Variants in LEF1 observed in about 807,000 individuals in gnomAD.
LEF1 encodes the protein lymphoid enhancer binding factor 1.
LEF1 carries 14 observed loss-of-function variants against 51.2 expected under a neutral mutation model. The observed-to-expected ratio is 0.27, with a 90% CI of 0.18 to 0.43. LEF1 has a LOEUF of 0.43. Ranked by LOEUF, LEF1 falls within the 20% of genes least tolerant of loss-of-function variation. The pLI is 1.00. For synonymous variants in LEF1, 185 were observed against 183.2 expected (o/e 1.01, Z -0.08); for missense variants, 386 against 512.0 (o/e 0.75, Z 2.37).
chr4:108,108,794 A>T (rs551989195), intron 3 of LEF1, among the ~76,000 whole-genome samples: 1 of 152,334 alleles, frequency 6.6e-6, no homozygotes, highest in Non-Finnish European at 1.5e-5. Context: ...AAAACAAGCA[A>T]ACGAGCTCTT....
intron 4 of LEF1, among the ~76,000 whole-genome samples, chr4:108,086,612 T>A (rs1311395829): frequency 6.6e-6 from 1 of 152,196 alleles, no homozygotes; most frequent in African/African-American, 2.4e-5. Context: ...AATAGGACTG[T>A]TGTGAAGAAT....
chr4:108,068,647 C>G (rs534699582), intron 9 of LEF1, among the ~76,000 whole-genome samples: 235 of 152,286 alleles, frequency 1.5e-3, no homozygotes, highest in African/African-American at 5.4e-3. Context: ...AAACTTATAT[C>G]CAATGTCTGA....
chr4:108,115,197 T>C (rs1741759656), intron 3 of LEF1, among the ~76,000 whole-genome samples: 1 of 152,218 alleles, frequency 6.6e-6, no homozygotes. Context: ...ATTTATATAT[T>C]GGAAATGAGC....
intron 11 of LEF1, among the ~76,000 whole-genome samples, chr4:108,055,656 T>C (rs1419782229): frequency 1.3e-5 from 2 of 152,210 alleles, no homozygotes; most frequent in Non-Finnish European, 2.9e-5. Flanking sequence ...TAAGTTTTCA[T>C]GAACAATACT....
intron 11 of LEF1, among the ~76,000 whole-genome samples, chr4:108,058,116 T>C (rs2126259935): frequency 6.6e-6 from 1 of 152,090 alleles, no homozygotes; most frequent in African/African-American, 2.4e-5. Context: ...CCTCATGATC[T>C]GCCCACCTCT....
At chr4:108,162,933 C>T (rs574029225) in intron 3 of LEF1, among the ~76,000 whole-genome samples, 1 of 152,062 alleles carries the variant, frequency 6.6e-6, no homozygotes, top group East Asian at 1.9e-4. Context: ...TTGCATAATG[C>T]AGTTATAATA....
chr4:108,154,656 TG>T (rs994684703), intron 3 of LEF1, among the ~76,000 whole-genome samples: 5 of 152,198 alleles, frequency 3.3e-5, no homozygotes, highest in African/African-American at 1.2e-4. Flanking sequence ...CTTCATATTT[TG>T]GTTTTGTTAC....
At chr4:108,085,545 G>T (rs570092555) in intron 4 of LEF1, among the ~76,000 whole-genome samples, 7 of 152,130 alleles carry the variant, frequency 4.6e-5, no homozygotes, top group African/African-American at 1.7e-4. Context: ...CTTACTCTCC[G>T]TACTACTCCA....
intron 3 of LEF1, among the ~76,000 whole-genome samples, chr4:108,097,477 A>C (rs1388225314): frequency 6.6e-6 from 1 of 152,226 alleles, no homozygotes; most frequent in Non-Finnish European, 1.5e-5. Flanking sequence ...TAATGAGTGC[A>C]AAAATATAGT....
chr4:108,144,094 T>A (rs1743846200), intron 3 of LEF1, among the ~76,000 whole-genome samples: 1 of 151,732 alleles, frequency 6.6e-6, no homozygotes, highest in Non-Finnish European at 1.5e-5. Flanking sequence ...GGAGCAGGAG[T>A]TAATAGGTAC....
chr4:108,098,821 C>T (rs34271707), intron 3 of LEF1, among the ~76,000 whole-genome samples: 46,859 of 152,092 alleles, frequency 0.31, 8,126 homozygotes, highest in East Asian at 0.63. Flanking sequence ...TTGGGTTCAG[C>T]TACTATCAGT....
rs138191388 is a variant in LEF1, at chr4:108,113,593, T to C, written c.415-24336A>G. ...CTAAACCCAAGTCTGCATCTAGTGC[T>C]GTCAAAATACCAAAACATACAACAA... On this transcript the variant is annotated intron_variant, in intron 3 of 11. Transcript: ENST00000265165. 6.0e-3 allele frequency among the ~76,000 whole-genome samples: 913 copies of C among 152,298 alleles called. 3 individuals carry two copies. Among genetic ancestry groups the C allele is most frequent in the Middle Eastern group, 0.01 (3 of 294 alleles).
intron 3 of LEF1, among the ~76,000 whole-genome samples, chr4:108,109,590 G>A (rs1741391474): frequency 6.6e-6 from 1 of 152,158 alleles, no homozygotes; most frequent in African/African-American, 2.4e-5. Flanking sequence ...ACAGCATCTG[G>A]CACATAGCAA....
chr4:108,147,366 A>G (rs1744058427), intron 3 of LEF1, among the ~76,000 whole-genome samples: 1 of 152,232 alleles, frequency 6.6e-6, no homozygotes, highest in Non-Finnish European at 1.5e-5. Flanking sequence ...AAGAACAAAA[A>G]CAAACATCTC....
chr4:108,162,431 T>C (rs1176729562), intron 3 of LEF1, among the ~76,000 whole-genome samples: 1 of 152,252 alleles, frequency 6.6e-6, no homozygotes, highest in African/African-American at 2.4e-5. Flanking sequence ...CAAATACTCT[T>C]GTTGATAACT....
chr4:108,078,962 T>G (rs1292441097), intron 7 of LEF1, among the ~76,000 whole-genome samples: 2 of 152,192 alleles, frequency 1.3e-5, no homozygotes, highest in Non-Finnish European at 1.5e-5. Flanking sequence ...ATTAAGAAAC[T>G]AATTACTCAT....
chr4:108,116,103 A>G (rs180692990), intron 3 of LEF1, among the ~76,000 whole-genome samples: 75 of 152,308 alleles, frequency 4.9e-4, no homozygotes, highest in African/African-American at 1.8e-3. Flanking sequence ...ACTCTGAGGT[A>G]AAATAAGAGA....
intron 3 of LEF1, among the ~76,000 whole-genome samples, chr4:108,151,405 C>T (rs1744352087): frequency 6.6e-6 from 1 of 152,162 alleles, no homozygotes; most frequent in African/African-American, 2.4e-5. Context: ...AATCATCTAG[C>T]GTCTTCTGCA....
intron 3 of LEF1, among the ~76,000 whole-genome samples, chr4:108,091,782 T>C (rs910855207): frequency 6.6e-6 from 1 of 152,072 alleles, no homozygotes; most frequent in Non-Finnish European, 1.5e-5. Flanking sequence ...TGGGGGTGGG[T>C]AGATGTGAGG....
Sources: gnomAD v4.1 joint callset for allele counts (sites outside exome capture counted in the v4.1 genomes callset) on GRCh38, gnomAD v4.1.1 for gene constraint, MANE v1.5 for transcripts, NCBI Gene and HGNC (gene_info 2026-07-23, HGNC 2026-07-21) for gene names.